SHB: variants seen among roughly 807,000 people sequenced by gnomAD.
The protein encoded by SHB is SH2 domain-containing adapter protein B.
SHB carries 20 observed loss-of-function variants against 52.3 expected under a neutral mutation model. That is an observed-to-expected ratio of 0.38 (90% CI 0.27 to 0.56). The LOEUF (loss-of-function observed/expected upper bound fraction) is 0.56, where lower values mean the gene tolerates loss of function less well. Ranked by LOEUF, SHB falls within the 20% of genes least tolerant of loss-of-function variation. SHB has a pLI of 0.71. For missense variants in SHB, 825 were observed against 723.3 expected (o/e 1.14, Z -1.61); for synonymous variants, 397 against 316.5 (o/e 1.25, Z -2.70).
intron 1 of SHB, among the ~76,000 whole-genome samples, chr9:38,053,887 T>C (rs1388900679): frequency 1.3e-5 from 2 of 152,188 alleles, no homozygotes; most frequent in African/African-American, 2.4e-5. Flanking sequence ...AACGACCCAA[T>C]GTACTTCCCC....
chr9:38,056,519 G>A (rs1224569613), intron 1 of SHB, among the ~76,000 whole-genome samples: 1 of 152,158 alleles, frequency 6.6e-6, no homozygotes, highest in Non-Finnish European at 1.5e-5. Flanking sequence ...TTTTAGTAGA[G>A]ACAGGTTTTT....
In SHB at chr9:38,069,191, GC is replaced by G. The variant is rs1822026288; in HGVS notation, c.-547del. The G allele has an allele frequency of 2.0e-5, 3 of 150,946 alleles. No homozygotes were observed. The highest frequency in any genetic ancestry group is 7.3e-5 in the African/African-American group (3 of 41,048). The allele number at this position is 150,946 out of a possible 1,614,324, so 9.4% of individuals were successfully genotyped here. On this transcript the variant is annotated 5_prime_UTR_variant, in exon 1 of 6. Coordinates refer to ENST00000377707, the MANE Select transcript of SHB (RefSeq NM_003028.3). ...AGCCGGCGCCCGCCGGAGCCCGCGC[GC>G]CCGTGCCCGTCCCGGCGGCGCCTGT...
In SHB at chr9:37,948,672, T is replaced by A; in HGVS notation, c.1309A>T (p.Ser437Cys). 1 of 1,613,928 alleles carries A rather than the reference T, an allele frequency of 6.2e-7. No homozygotes were observed. The highest frequency in any genetic ancestry group is 1.3e-5 in the African/African-American group (1 of 75,034). ...CKECSYLVRN[S>C]QTSKHDYSLS... ...GAGTAGTCATGCTTGCTGGTCTGGC[T>A]GTTCCGGACAAGGTAGCTACACTCC... is the stretch of plus-strand genomic sequence containing the variant. The change falls in exon 5 of 6, where the codon AGC becomes TGC. Residue 437 changes from serine to cysteine, a missense_variant. By Grantham distance (112) the Ser-to-Cys change is moderately radical (BLOSUM62 -1). Coordinates refer to ENST00000377707, the MANE Select transcript of SHB (RefSeq NM_003028.3).
chr9:37,939,327 G>A (rs760169035), intron 5 of SHB, among the ~76,000 whole-genome samples: 32 of 152,248 alleles, frequency 2.1e-4, no homozygotes, highest in African/African-American at 6.3e-4. Flanking sequence ...GAGCTGGGCA[G>A]GCTCAGCCTC....
intron 1 of SHB, among the ~76,000 whole-genome samples, chr9:38,041,072 AGGCT>A: frequency 6.6e-6 from 1 of 152,120 alleles, no homozygotes; most frequent in South Asian, 2.1e-4. Flanking sequence ...CCTCTTCTCC[AGGCT>A]AACAAGCCAC....
intron 1 of SHB, among the ~76,000 whole-genome samples, chr9:38,027,864 T>C (rs1427792238): frequency 6.6e-6 from 1 of 151,998 alleles, no homozygotes; most frequent in African/African-American, 2.4e-5. Context: ...AGGGTGGGTC[T>C]TGACAGCATC....
intron 1 of SHB, among the ~76,000 whole-genome samples, chr9:38,041,841 T>G (rs1247567580): frequency 3.3e-5 from 5 of 152,172 alleles, no homozygotes; most frequent in Admixed American, 1.3e-4. Flanking sequence ...GCCTTCTGAT[T>G]GCCAAAACGC....
chr9:37,952,452 G>A (rs1832577217), intron 4 of SHB, among the ~76,000 whole-genome samples: 2 of 152,248 alleles, frequency 1.3e-5, no homozygotes, highest in South Asian at 4.1e-4. Flanking sequence ...GCAGCGGGCA[G>A]GAGGTAGGCC....
chr9:38,046,451 C>T (rs187345837), intron 1 of SHB, among the ~76,000 whole-genome samples: 1 of 152,126 alleles, frequency 6.6e-6, no homozygotes, highest in African/African-American at 2.4e-5. Context: ...GCCCTGAGGG[C>T]AATATACTGA....
intron 2 of SHB, among the ~76,000 whole-genome samples, chr9:38,008,230 A>T (rs1010310869): frequency 3.3e-5 from 5 of 152,146 alleles, no homozygotes; most frequent in Admixed American, 1.3e-4. Context: ...GGTCAAAGAC[A>T]AGAGGGGAGC....
At chr9:37,934,576 C>T (rs562268126) in intron 5 of SHB, among the ~76,000 whole-genome samples, 3 of 152,300 alleles carry the variant, frequency 2.0e-5, no homozygotes, top group East Asian at 3.9e-4. Flanking sequence ...GCTAGGATTA[C>T]AGGCGTGAGC....
intron 2 of SHB, among the ~76,000 whole-genome samples, chr9:37,980,438 T>A (rs2266014): frequency 0.57 from 87,070 of 152,098 alleles, 25,329 homozygotes; most frequent in East Asian, 0.77. Flanking sequence ...GCAATTCAGT[T>A]ACATCTTCAG....
At chr9:37,938,289 C>T (rs972471368) in intron 5 of SHB, among the ~76,000 whole-genome samples, 1 of 152,102 alleles carries the variant, frequency 6.6e-6, no homozygotes, top group Non-Finnish European at 1.5e-5. Flanking sequence ...GCTGTAATCC[C>T]CGGGCTCCTG....
intron 2 of SHB, among the ~76,000 whole-genome samples, chr9:38,004,128 T>C (rs1821052468): frequency 6.6e-6 from 1 of 152,230 alleles, no homozygotes; most frequent in African/African-American, 2.4e-5. Flanking sequence ...CGGAAGCCTC[T>C]GCTCCAGGTT....
chr9:37,997,151 T>A (rs1019613178), intron 2 of SHB, among the ~76,000 whole-genome samples: 8 of 152,170 alleles, frequency 5.3e-5, no homozygotes, highest in African/African-American at 1.9e-4. Context: ...TCATCGAACA[T>A]CTTGGCAGCC....
At chr9:38,057,256 T>C (rs980275831) in intron 1 of SHB, among the ~76,000 whole-genome samples, 17 of 152,194 alleles carry the variant, frequency 1.1e-4, no homozygotes, top group African/African-American at 2.2e-4. Context: ...TCCATGTCTT[T>C]ACGTTTAAAA....
chr9:37,928,941 G>A (rs1016928061), intron 5 of SHB, among the ~76,000 whole-genome samples: 2 of 152,258 alleles, frequency 1.3e-5, no homozygotes, highest in South Asian at 2.1e-4. Context: ...AGGCAGCCTC[G>A]GGGGAAGCCC....
At chr9:38,040,564 T>A (rs1487508370) in intron 1 of SHB, among the ~76,000 whole-genome samples, 1 of 151,418 alleles carries the variant, frequency 6.6e-6, no homozygotes, top group Non-Finnish European at 1.5e-5. Context: ...AGCAAGCGAG[T>A]GGGCGGGCAG....
At position 37,952,667 on chromosome 9, in the gene SHB, T is replaced by C. The variant is rs1364280933; in HGVS notation, c.1226+3216A>G. ...AGGAATAATGGATTCTGGTGGTACT[T>C]AGGAGGGAGCACTGGCAGAATTTGG... is the stretch of plus-strand genomic sequence containing the variant. On this transcript the variant is annotated intron_variant, in intron 4 of 5. Coordinates refer to ENST00000377707, the MANE Select transcript of SHB (RefSeq NM_003028.3). Among the ~76,000 whole-genome samples the C allele has an allele frequency of 4.6e-5, 7 of 152,138 alleles. No homozygotes were observed. In the South Asian group the frequency reaches 6.2e-4, roughly 14 times the overall value.
Sources: gnomAD v4.1 joint callset for allele counts (sites outside exome capture counted in the v4.1 genomes callset) on GRCh38, gnomAD v4.1.1 for gene constraint, MANE v1.5 for transcripts, NCBI Gene and HGNC (gene_info 2026-07-23, HGNC 2026-07-21) for gene names.